Variants in DCC observed in about 807,000 individuals in gnomAD.
DCC encodes the protein DCC netrin 1 receptor, also known as netrin receptor DCC.
A neutral mutation model predicts 172.5 loss-of-function variants in DCC; 58 were observed. The observed-to-expected ratio is 0.34, with a 90% CI of 0.27 to 0.42. DCC has a LOEUF of 0.42. DCC is among the 10% of genes least tolerant of loss of function. The pLI, the probability that DCC is intolerant of heterozygous loss-of-function variation, is 1.00. For missense variants in DCC, 1,740 were observed against 1,791.0 expected (o/e 0.97, Z 0.51); for synonymous variants, 709 against 644.5 (o/e 1.10, Z -1.52).
chr18:53,032,164 A>G (rs1365801078), intron 5 of DCC, among the ~76,000 whole-genome samples: 2 of 152,138 alleles, frequency 1.3e-5, no homozygotes, highest in African/African-American at 2.4e-5. Context: ...TTTTCCTGCC[A>G]TGAAGATTTA....
At chr18:52,601,410 C>T (rs189123250) in intron 1 of DCC, among the ~76,000 whole-genome samples, 126 of 151,950 alleles carry the variant, frequency 8.3e-4, no homozygotes, top group Non-Finnish European at 1.4e-3. Flanking sequence ...CCTTTGTAAA[C>T]ATCTAATCTC....
At chr18:53,264,224 C>T (rs761429376) in intron 12 of DCC, among the ~76,000 whole-genome samples, 94 of 152,226 alleles carry the variant, frequency 6.2e-4, no homozygotes, top group Non-Finnish European at 9.0e-4. Context: ...CGCGGTGGCT[C>T]ATGCCTGTAA....
chr18:53,245,706 C>T (rs2056357324), intron 12 of DCC, among the ~76,000 whole-genome samples: 1 of 151,972 alleles, frequency 6.6e-6, no homozygotes, highest in African/African-American at 2.4e-5. Flanking sequence ...GATTTAATAG[C>T]AAAAGATTTA....
intron 1 of DCC, among the ~76,000 whole-genome samples, chr18:52,504,789 T>G (rs2031170212): frequency 6.6e-6 from 1 of 151,504 alleles, no homozygotes; most frequent in Non-Finnish European, 1.5e-5. Flanking sequence ...GCCACCTCAG[T>G]GTAAAAGCCA....
At chr18:53,161,184 T>C (rs1247012259) in intron 8 of DCC, among the ~76,000 whole-genome samples, 1 of 152,226 alleles carries the variant, frequency 6.6e-6, no homozygotes, top group African/African-American at 2.4e-5. Flanking sequence ...TCTTACATCA[T>C]ATTCCAATAA....
chr18:52,771,892 AG>A, intron 2 of DCC, among the ~76,000 whole-genome samples: 6 of 151,636 alleles, frequency 4.0e-5, no homozygotes, highest in Non-Finnish European at 7.4e-5. Flanking sequence ...AAAAAGAAAA[AG>A]AAAGAACAAG....
chr18:52,600,868 T>C (rs920600731), intron 1 of DCC, among the ~76,000 whole-genome samples: 3 of 152,056 alleles, frequency 2.0e-5, no homozygotes, highest in Non-Finnish European at 4.4e-5. Context: ...GCTTGTAAAA[T>C]ATTCTTTGAG....
At chr18:53,425,376 T>TTTTTTTTTTTTTC (rs1910861768) in intron 21 of DCC, among the ~76,000 whole-genome samples, 1 of 146,712 alleles carries the variant, frequency 6.8e-6, no homozygotes, top group African/African-American at 2.5e-5. Context: ...TTTTTTTTTT[T>TTTTTTTTTTTTTC]TGAGACAGAG....
At chr18:53,444,569 C>T (rs1912480995) in intron 22 of DCC, among the ~76,000 whole-genome samples, 1 of 152,168 alleles carries the variant, frequency 6.6e-6, no homozygotes, top group South Asian at 2.1e-4. Flanking sequence ...CCTCATCACT[C>T]AGCAGCCATC....
At chr18:53,279,120 G>T (rs1015043038) in intron 12 of DCC, among the ~76,000 whole-genome samples, 2 of 152,114 alleles carry the variant, frequency 1.3e-5, no homozygotes, top group Non-Finnish European at 2.9e-5. Context: ...GGTGTGAGAT[G>T]GTATCTCATT....
At chr18:53,423,109 C>T (rs188642946) in intron 21 of DCC, among the ~76,000 whole-genome samples, 76 of 152,270 alleles carry the variant, frequency 5.0e-4, no homozygotes, top group Non-Finnish European at 3.2e-4. Flanking sequence ...GGAACAAAAA[C>T]GTACTCAGTA....
intron 8 of DCC, among the ~76,000 whole-genome samples, chr18:53,162,109 G>A (rs1013675679): frequency 6.6e-6 from 1 of 152,132 alleles, no homozygotes; most frequent in African/African-American, 2.4e-5. Context: ...GACCAGCCCG[G>A]CCAACATAAT....
intron 1 of DCC, among the ~76,000 whole-genome samples, chr18:52,727,851 A>G (rs931660218): frequency 1.9e-4 from 29 of 152,180 alleles, no homozygotes; most frequent in Non-Finnish European, 4.0e-4. Flanking sequence ...GGTTTTTAAA[A>G]TATCTTTGGG....
chr18:53,258,959 T>C (rs1041202649), intron 12 of DCC, among the ~76,000 whole-genome samples: 2 of 152,212 alleles, frequency 1.3e-5, no homozygotes, highest in African/African-American at 4.8e-5. Flanking sequence ...TTTACCATTA[T>C]GTAATGGCCT....
At chr18:52,857,539 G>A (rs1197658628) in intron 2 of DCC, among the ~76,000 whole-genome samples, 1 of 152,094 alleles carries the variant, frequency 6.6e-6, no homozygotes, top group Non-Finnish European at 1.5e-5. Context: ...AATGTCATTT[G>A]AATTTGGCTG....
At chr18:52,488,867 G>A (rs1183251845) in intron 1 of DCC, among the ~76,000 whole-genome samples, 1 of 152,064 alleles carries the variant, frequency 6.6e-6, no homozygotes, top group African/African-American at 2.4e-5. Flanking sequence ...TAAATTTGAT[G>A]TCAGAGATTT....
intron 1 of DCC, among the ~76,000 whole-genome samples, chr18:52,654,751 G>C (rs1201235761): frequency 2.0e-5 from 3 of 152,184 alleles, no homozygotes; most frequent in East Asian, 1.9e-4. Flanking sequence ...TACAACTAAA[G>C]CTTTAACATA....
intron 16 of DCC, among the ~76,000 whole-genome samples, chr18:53,388,400 A>G (rs1908317089): frequency 6.6e-6 from 1 of 152,232 alleles, no homozygotes; most frequent in Non-Finnish European, 1.5e-5. Flanking sequence ...TACCATGGAC[A>G]GTCTCGAACA....
chr18:53,088,007 C>T (rs1477390123), intron 7 of DCC, among the ~76,000 whole-genome samples: 1 of 152,050 alleles, frequency 6.6e-6, no homozygotes, highest in Non-Finnish European at 1.5e-5. Context: ...TTACTGTAGC[C>T]TTGTAGTATA....
Sources: gnomAD v4.1 joint callset for allele counts (sites outside exome capture counted in the v4.1 genomes callset) on GRCh38, gnomAD v4.1.1 for gene constraint, MANE v1.5 for transcripts, NCBI Gene and HGNC (gene_info 2026-07-23, HGNC 2026-07-21) for gene names.